The following PLCB1 variants were observed in gnomAD, a reference collection of about 807,000 sequenced individuals.
PLCB1 encodes 1-phosphatidylinositol 4,5-bisphosphate phosphodiesterase beta-1.
A neutral mutation model predicts 161.8 loss-of-function variants in PLCB1; 46 were observed. That is an observed-to-expected ratio of 0.28 (90% confidence interval 0.22 to 0.36). PLCB1 has a LOEUF of 0.36. Ranked by LOEUF, PLCB1 falls within the 10% of genes least tolerant of loss-of-function variation. The pLI, the probability that PLCB1 is intolerant of heterozygous loss-of-function variation, is 1.00. For synonymous variants in PLCB1, 517 were observed against 503.7 expected, an observed-to-expected ratio of 1.03 and a Z score of -0.35; for missense variants, 1,016 against 1,472.5, an observed-to-expected ratio of 0.69 and a Z score of 5.07.
At chr20:8,726,515 G>A (rs577749366) in intron 16 of PLCB1, among the ~76,000 whole-genome samples, 3 of 152,192 alleles carry the variant, frequency 2.0e-5, no homozygotes, top group Middle Eastern at 3.4e-3. Context: ...ACAATCATGA[G>A]GCGGAAGGCA....
chr20:8,665,010 G>A lies in PLCB1; in HGVS notation c.862+6306G>A, dbSNP rs150538781. 2.2e-3 allele frequency among the ~76,000 whole-genome samples: 332 copies of A among 152,212 alleles called. 1 individual carries two copies. Among genetic ancestry groups the A allele is most frequent in the African/African-American group, 7.2e-3 (300 of 41,542 alleles). ...CTTAAGTCATATGACTCCCCCTAGA[G>A]CCCATAAGGGGTCAACTACCTAAAG... On this transcript the variant is annotated intron_variant, in intron 9 of 31. Transcript: ENST00000338037.
chr20:8,250,735 G>C (rs1433378319), intron 2 of PLCB1, among the ~76,000 whole-genome samples: 1 of 151,936 alleles, frequency 6.6e-6, no homozygotes, highest in Non-Finnish European at 1.5e-5. Context: ...ATTGCTGGCT[G>C]CCAGGTCAGG....
chr20:8,135,050 G>A (rs1244689941), intron 1 of PLCB1, among the ~76,000 whole-genome samples: 3 of 151,958 alleles, frequency 2.0e-5, no homozygotes, highest in African/African-American at 4.8e-5. Context: ...TTCTCAGCTC[G>A]TATTTGCCCT....
At chr20:8,731,242 C>T (rs1024535442) in intron 18 of PLCB1, among the ~76,000 whole-genome samples, 9 of 151,792 alleles carry the variant, frequency 5.9e-5, no homozygotes, top group East Asian at 5.8e-4. Context: ...GTTTGCAGTA[C>T]GTATGATAAT....
chr20:8,439,430 T>A (rs571451966), intron 3 of PLCB1, among the ~76,000 whole-genome samples: 32 of 152,126 alleles, frequency 2.1e-4, no homozygotes, highest in Non-Finnish European at 3.5e-4. Context: ...ACAGGTAACA[T>A]AAACTGTTAC....
chr20:8,530,411 G>A (rs1024866317), intron 3 of PLCB1, among the ~76,000 whole-genome samples: 1 of 151,926 alleles, frequency 6.6e-6, no homozygotes, highest in East Asian at 1.9e-4. Flanking sequence ...TAATCTACTT[G>A]TTAATACAGT....
intron 9 of PLCB1, among the ~76,000 whole-genome samples, chr20:8,659,972 A>G (rs1214820835): frequency 6.8e-6 from 1 of 147,052 alleles, no homozygotes; most frequent in African/African-American, 2.5e-5. Flanking sequence ...AGCCTGGGTG[A>G]CAGAGGAAGA....
At chr20:8,863,811 A>G (rs1201006395) in intron 31 of PLCB1, among the ~76,000 whole-genome samples, 2 of 152,174 alleles carry the variant, frequency 1.3e-5, no homozygotes, top group Non-Finnish European at 2.9e-5. Flanking sequence ...GGCAAACCAC[A>G]CAAAGTTGGA....
chr20:8,588,734 A>G (rs1283471518), intron 3 of PLCB1, among the ~76,000 whole-genome samples: 1 of 152,214 alleles, frequency 6.6e-6, no homozygotes, highest in African/African-American at 2.4e-5. Context: ...CCAGCCTCCA[A>G]AACTGAAAGA....
chr20:8,358,012 A>T (rs566740048), intron 2 of PLCB1, among the ~76,000 whole-genome samples: 92 of 152,324 alleles, frequency 6.0e-4, no homozygotes, highest in Non-Finnish European at 1.0e-3. Flanking sequence ...ATGTTGTCAC[A>T]ACTGTCTTCA....
intron 3 of PLCB1, among the ~76,000 whole-genome samples, chr20:8,415,871 C>A (rs1172167092): frequency 2.6e-5 from 4 of 152,156 alleles, no homozygotes; most frequent in Non-Finnish European, 5.9e-5. Context: ...TGGTAAAAGT[C>A]TGCTAGTGGT....
At chr20:8,853,278 G>A (rs889697548) in intron 31 of PLCB1, among the ~76,000 whole-genome samples, 3 of 152,180 alleles carry the variant, frequency 2.0e-5, no homozygotes, top group Non-Finnish European at 4.4e-5. Context: ...AAAGTATGCA[G>A]CTTGACAAAT....
At chr20:8,430,007 A>G (rs1979965065) in intron 3 of PLCB1, among the ~76,000 whole-genome samples, 1 of 151,982 alleles carries the variant, frequency 6.6e-6, no homozygotes, top group South Asian at 2.1e-4. Flanking sequence ...GGGTAACAGA[A>G]GGGCAGGCCA....
intron 10 of PLCB1, among the ~76,000 whole-genome samples, chr20:8,693,721 T>C (rs1990529306): frequency 6.6e-6 from 1 of 152,062 alleles, no homozygotes; most frequent in African/African-American, 2.4e-5. Context: ...TCTTCAGAAG[T>C]TTGTGTTAAT....
intron 3 of PLCB1, among the ~76,000 whole-genome samples, chr20:8,443,351 A>G (rs1322885994): frequency 6.6e-6 from 1 of 152,154 alleles, no homozygotes; most frequent in African/African-American, 2.4e-5. Flanking sequence ...TCTCAAATGT[A>G]AAATTATTGG....
At chr20:8,557,640 A>G (rs535243180) in intron 3 of PLCB1, among the ~76,000 whole-genome samples, 2 of 152,092 alleles carry the variant, frequency 1.3e-5, no homozygotes, top group African/African-American at 4.8e-5. Context: ...ATTGCACAAC[A>G]CAACATTTTG....
chr20:8,463,704 C>G (rs1981690573), intron 3 of PLCB1, among the ~76,000 whole-genome samples: 1 of 152,056 alleles, frequency 6.6e-6, no homozygotes, highest in South Asian at 2.1e-4. Context: ...CTTGGTTACT[C>G]CAGAAATTTT....
chr20:8,619,343 C>T lies in PLCB1; in HGVS notation c.247-8951C>T, dbSNP rs369132134. On this transcript the variant is annotated intron_variant, in intron 3 of 31. Transcript: ENST00000338037. ...CTGAGGCAGGAGAATTGCTTGAATC[C>T]GGGAGGCGGAGGTTGCAGTGAGCCA... 7.9e-5 allele frequency among the ~76,000 whole-genome samples: 12 copies of T among 151,570 alleles called. No individual in the cohort carries two copies. In the East Asian group the frequency reaches 1.2e-3, roughly 15 times the overall value.
intron 2 of PLCB1, among the ~76,000 whole-genome samples, chr20:8,238,095 G>A (rs771565808): frequency 2.6e-5 from 4 of 152,050 alleles, no homozygotes; most frequent in Non-Finnish European, 5.9e-5. Context: ...TGGTGTCCCT[G>A]TAGGAGTTAG....
Sources: allele counts gnomAD v4.1 joint callset (sites outside exome capture counted in the v4.1 genomes callset), GRCh38; gene constraint gnomAD v4.1.1; transcripts MANE v1.5; gene names NCBI Gene and HGNC (gene_info 2026-07-23, HGNC 2026-07-21).